The following MAP7 variants were observed in gnomAD, a reference collection of about 807,000 sequenced individuals.
The protein encoded by MAP7 is ensconsin.
MAP7 carries 52 observed loss-of-function variants against 94.8 expected under a neutral mutation model. The ratio of observed to expected loss-of-function variants is 0.55; its 90% CI spans 0.44 to 0.69. The LOEUF is 0.69. Among genes scored for constraint, MAP7 ranks in the 30% least tolerant of loss-of-function variants. The pLI, the probability that MAP7 is intolerant of heterozygous loss-of-function variation, is 0.00. For missense variants in MAP7, 940 were observed against 964.6 expected (o/e 0.97, Z 0.34); for synonymous variants, 350 against 357.0 (o/e 0.98, Z 0.22).
At chr6:136,364,452 T>C in intron 10 of MAP7, 1 of 284,126 alleles carries the variant, frequency 3.5e-6, no homozygotes. Flanking sequence ...GGCTTTGGTC[T>C]TTTTGACTAA....
At chr6:136,522,668 C>T (rs958890614) in intron 1 of MAP7, among the ~76,000 whole-genome samples, 4 of 152,104 alleles carry the variant, frequency 2.6e-5, no homozygotes, top group East Asian at 3.8e-4. Flanking sequence ...GATTGTGTAT[C>T]GCAATAGTCA....
At chr6:136,514,191 C>A (rs1204925855) in intron 1 of MAP7, among the ~76,000 whole-genome samples, 1 of 152,198 alleles carries the variant, frequency 6.6e-6, no homozygotes, top group East Asian at 1.9e-4. Context: ...CATAACCTTA[C>A]AAAATATATT....
intron 1 of MAP7, among the ~76,000 whole-genome samples, chr6:136,499,358 T>C (rs535509919): frequency 6.6e-6 from 1 of 152,258 alleles, no homozygotes; most frequent in African/African-American, 2.4e-5. Context: ...CATTTATTGT[T>C]CACAATCCTA....
At chr6:136,408,778 C>A (rs1786422723) in intron 3 of MAP7, among the ~76,000 whole-genome samples, 1 of 151,332 alleles carries the variant, frequency 6.6e-6, no homozygotes, top group Non-Finnish European at 1.5e-5. Flanking sequence ...AACTTTTTTT[C>A]TTTTAAAAAA....
chr6:136,452,238 A>AAAACAAAACT (rs1801376749), intron 1 of MAP7, among the ~76,000 whole-genome samples: 2 of 150,338 alleles, frequency 1.3e-5, no homozygotes, highest in Middle Eastern at 3.2e-3. Flanking sequence ...AAAACAAAAC[A>AAAACAAAACT]AAACTTGAAT....
chr6:136,466,762 G>A (rs188496477), intron 1 of MAP7: 246 of 1,534,922 alleles, frequency 1.6e-4, no homozygotes, highest in Non-Finnish European at 1.8e-5. Context: ...AGAACTTACA[G>A]TACAGTTTAG....
Position 136,489,526 on chromosome 6 carries a change from CTTTTTTT to C in MAP7, c.67+60809_67+60815del, listed in dbSNP as rs1164047042. On this transcript the variant is annotated intron_variant, in intron 1 of 17. Transcript: ENST00000354570. ...TACAATGCTCTGTAACATCAGGTTT[CTTTTTTT>C]TTTTTTTTTTTTTTGGCAGACTCTC... is the stretch of plus-strand genomic sequence containing the variant. Among the ~76,000 whole-genome samples, 326 of 103,000 alleles carry C rather than the reference CTTTTTTT, an allele frequency of 3.2e-3. 4 individuals are homozygous for C. Among genetic ancestry groups the C allele is most frequent in the Admixed American group, 0.031 (283 of 9,262 alleles). The allele number at this position is 103,000 out of a possible 152,430, so 67.6% of individuals were successfully genotyped here.
At chr6:136,535,717 T>C (rs1303541062) in intron 1 of MAP7, among the ~76,000 whole-genome samples, 1 of 151,894 alleles carries the variant, frequency 6.6e-6, no homozygotes, top group South Asian at 2.1e-4. Context: ...TTTTTTTCTT[T>C]TTTTTTTAGT....
chr6:136,527,340 A>AT (rs1009652041), intron 1 of MAP7, among the ~76,000 whole-genome samples: 11 of 151,958 alleles, frequency 7.2e-5, no homozygotes, highest in African/African-American at 1.9e-4. Flanking sequence ...AAGAAAAAAC[A>AT]TTTTTTTTGC....
chr6:136,396,509 T>C (rs546344761), intron 3 of MAP7, among the ~76,000 whole-genome samples: 44 of 152,290 alleles, frequency 2.9e-4, no homozygotes, highest in African/African-American at 1.0e-3. Flanking sequence ...GCAGGGACAA[T>C]TTTACTTCCT....
intron 1 of MAP7, among the ~76,000 whole-genome samples, chr6:136,472,205 ACTCACTAC>A (rs1809261835): frequency 6.6e-6 from 1 of 152,134 alleles, no homozygotes; most frequent in South Asian, 2.1e-4. Flanking sequence ...TATTGTCTGA[ACTCACTAC>A]CTTTTCCTGT....
intron 13 of MAP7, 61 bp downstream of exon 13, chr6:136,360,636 A>C: frequency 7.0e-7 from 1 of 1,436,672 alleles, no homozygotes; most frequent in South Asian, 1.1e-5. Flanking sequence ...GGCCAGGGCT[A>C]GTCTCTGGGT....
intron 1 of MAP7, among the ~76,000 whole-genome samples, chr6:136,534,494 C>T (rs182701703): frequency 6.6e-6 from 1 of 152,372 alleles, no homozygotes; most frequent in Non-Finnish European, 1.5e-5. Context: ...CTTAACCTAT[C>T]AGTCAGTGAC....
At chr6:136,423,782 GT>G (rs60134746) in intron 1 of MAP7, among the ~76,000 whole-genome samples, 1 of 136,144 alleles carries the variant, frequency 7.3e-6, no homozygotes, top group Non-Finnish European at 1.5e-5. Context: ...AGGGAGTTGT[GT>G]TTTTTTTTTT....
intron 1 of MAP7, among the ~76,000 whole-genome samples, chr6:136,492,710 A>G (rs976694946): frequency 6.6e-6 from 1 of 152,222 alleles, no homozygotes; most frequent in Admixed American, 6.5e-5. Flanking sequence ...AAAATTATGC[A>G]TCTTAACTTA....
intron 1 of MAP7, among the ~76,000 whole-genome samples, chr6:136,505,962 A>G (rs1821388290): frequency 6.6e-6 from 1 of 152,186 alleles, no homozygotes; most frequent in South Asian, 2.1e-4. Context: ...CTTTATAAAC[A>G]TGCTGATGTA....
At chr6:136,526,683 G>A in intron 1 of MAP7, 1 of 985,486 alleles carries the variant, frequency 1.0e-6, no homozygotes, top group African/African-American at 1.7e-5. Flanking sequence ...AGTTTTGCTT[G>A]CACAAGCAGC....
intron 16 of MAP7, among the ~76,000 whole-genome samples, chr6:136,347,092 T>A (rs1343474723): frequency 6.7e-6 from 1 of 149,386 alleles, no homozygotes. Context: ...ATGGTTTGTC[T>A]TAGATTACCA....
chr6:136,404,714 T>C (rs989324763), intron 3 of MAP7, among the ~76,000 whole-genome samples: 4 of 152,204 alleles, frequency 2.6e-5, no homozygotes, highest in Non-Finnish European at 5.9e-5. Flanking sequence ...GAGTGCCTAG[T>C]ATGTTCCAAG....
Sources: allele counts gnomAD v4.1 joint callset (sites outside exome capture counted in the v4.1 genomes callset), GRCh38; gene constraint gnomAD v4.1.1; transcripts MANE v1.5; gene names NCBI Gene and HGNC (gene_info 2026-07-23, HGNC 2026-07-21).